Variants in ATG4C observed in about 807,000 individuals in gnomAD.
ATG4C encodes cysteine protease ATG4C.
ATG4C carries 56 observed loss-of-function variants against 57.6 expected under a neutral mutation model. That is an observed-to-expected ratio of 0.97 (90% CI 0.78 to 1.21). ATG4C has a LOEUF of 1.21. ATG4C is among the 50% of genes most tolerant of loss of function. ATG4C has a pLI of 0.00. For missense variants in ATG4C, 595 were observed against 529.8 expected (o/e 1.12, Z -1.21); for synonymous variants, 157 against 174.1 (o/e 0.90, Z 0.78).
Position 62,803,706 on chromosome 1 carries a change from T to A in ATG4C, c.-68-13T>A. 4 of 969,324 alleles carry A rather than the reference T, an allele frequency of 4.1e-6. No individual in the cohort carries two copies. The highest frequency in any genetic ancestry group is 6.1e-6 in the Non-Finnish European group (4 of 654,804). The allele number at this position is 969,324 out of a possible 1,614,324, so 60.0% of individuals were successfully genotyped here. A position where few individuals can be genotyped will look rare whatever the true frequency, so the allele number is the denominator to read the frequency against. The stretch of plus-strand genomic sequence containing the variant: ...ATGTAGTAATTACTGATTTTTTTCC[T>A]TAATTTTTAAAGTCAGTATAAAAGA... On this transcript the variant is annotated splice_polypyrimidine_tract_variant and intron_variant, in intron 1 of 10. Transcript: ENST00000317868.
chr1:62,831,458 A>T (rs1045150809), intron 7 of ATG4C, among the ~76,000 whole-genome samples: 1 of 152,122 alleles, frequency 6.6e-6, no homozygotes, highest in Non-Finnish European at 1.5e-5. Context: ...TATTTCAGAG[A>T]TAGTGCCAAC....
At chr1:62,815,360 A>G (rs1665232814) in intron 3 of ATG4C, among the ~76,000 whole-genome samples, 1 of 152,158 alleles carries the variant, frequency 6.6e-6, no homozygotes, top group Non-Finnish European at 1.5e-5. Flanking sequence ...TGATATACCA[A>G]GAGCCTTACA....
intron 6 of ATG4C, among the ~76,000 whole-genome samples, chr1:62,826,611 A>G (rs1299694469): frequency 6.9e-6 from 1 of 145,498 alleles, no homozygotes; most frequent in Non-Finnish European, 1.5e-5. Context: ...TTTTTTTTTT[A>G]ATTTAAGTTC....
intron 3 of ATG4C, among the ~76,000 whole-genome samples, chr1:62,810,996 ATTACT>A (rs1231258675): frequency 6.6e-6 from 1 of 152,120 alleles, no homozygotes. Flanking sequence ...TTTTAGTGAA[ATTACT>A]TTAGCTGGAG....
chr1:62,824,359 A>C (rs1418023276), intron 6 of ATG4C, among the ~76,000 whole-genome samples: 1 of 152,062 alleles, frequency 6.6e-6, no homozygotes, highest in Non-Finnish European at 1.5e-5. Context: ...TGACTATGGG[A>C]GATAGGGGAG....
In ATG4C at chr1:62,819,080, T is replaced by G. The variant is rs766129078; in HGVS notation, c.470T>G (p.Phe157Cys). ...ESWTSHTVKK[F>C]TASFEASLSG... ...TGGACTTCCCACACTGTCAAAAAAT[T>G]TACTGCATCATTTGAAGCATCACTT... The change falls in exon 5 of 11, where the codon TTT (phenylalanine) becomes TGT (cysteine). Residue 157 changes from phenylalanine (F) to cysteine (C), a missense_variant. Physicochemically the swap from Phe to Cys is radical, Grantham distance 205. Coordinates refer to ENST00000317868, the MANE Select transcript of ATG4C (RefSeq NM_032852.4). 1.9e-6 allele frequency: 3 copies of G among 1,609,682 alleles called. No individual in the cohort carries two copies. The highest frequency in any genetic ancestry group is 1.7e-6 in the Non-Finnish European group (2 of 1,178,238).
At chr1:62,859,013 G>A (rs1312786721) in intron 10 of ATG4C, among the ~76,000 whole-genome samples, 3 of 152,068 alleles carry the variant, frequency 2.0e-5, no homozygotes, top group South Asian at 4.2e-4. Flanking sequence ...ATTGTTGTGC[G>A]AACATAATTG....
At chr1:62,789,348 A>T (rs551607460) in intron 1 of ATG4C, among the ~76,000 whole-genome samples, 1 of 152,292 alleles carries the variant, frequency 6.6e-6, no homozygotes, top group South Asian at 2.1e-4. Context: ...AGATCCTTCA[A>T]GCTGGTTCCC....
intron 3 of ATG4C, among the ~76,000 whole-genome samples, chr1:62,806,905 A>G (rs1664899350): frequency 6.6e-6 from 1 of 152,210 alleles, no homozygotes; most frequent in Non-Finnish European, 1.5e-5. Flanking sequence ...ATTAGCAGAA[A>G]CCTTAGGGCT....
At chr1:62,860,300 A>G (rs1356327839) in intron 10 of ATG4C, among the ~76,000 whole-genome samples, 2 of 152,238 alleles carry the variant, frequency 1.3e-5, no homozygotes, top group Admixed American at 6.5e-5. Flanking sequence ...TTTTTAAAAA[A>G]GTAAAATGAG....
intron 9 of ATG4C, among the ~76,000 whole-genome samples, chr1:62,838,261 T>C (rs1379840532): frequency 6.6e-6 from 1 of 152,214 alleles, no homozygotes; most frequent in Non-Finnish European, 1.5e-5. Context: ...ATCTAGTGAA[T>C]ACTCCTTAAA....
chr1:62,862,261 C>T (rs1036667940), intron 10 of ATG4C, among the ~76,000 whole-genome samples: 1 of 151,320 alleles, frequency 6.6e-6, no homozygotes, highest in Non-Finnish European at 1.5e-5. Context: ...TTTTTTTTCA[C>T]CTGGGACACA....
intron 10 of ATG4C, among the ~76,000 whole-genome samples, chr1:62,846,552 G>A (rs1408229833): frequency 2.6e-5 from 4 of 152,106 alleles, no homozygotes; most frequent in South Asian, 2.1e-4. Context: ...TCTGGCGTAC[G>A]TTTCCAAAAT....
At chr1:62,820,668 T>C (rs955736646) in intron 5 of ATG4C, among the ~76,000 whole-genome samples, 2 of 152,048 alleles carry the variant, frequency 1.3e-5, no homozygotes, top group African/African-American at 4.8e-5. Context: ...GAAATTCATT[T>C]GTTCAGGTCA....
chr1:62,811,139 G>A (rs1191979586), intron 3 of ATG4C, among the ~76,000 whole-genome samples: 1 of 152,144 alleles, frequency 6.6e-6, no homozygotes, highest in African/African-American at 2.4e-5. Flanking sequence ...GAAGGTAGCG[G>A]CTTTCAGCCA....
At chr1:62,857,542 G>A (rs536635977) in intron 10 of ATG4C, among the ~76,000 whole-genome samples, 58 of 152,096 alleles carry the variant, frequency 3.8e-4, no homozygotes, top group Non-Finnish European at 6.3e-4. Flanking sequence ...CACAATAAAT[G>A]TAATGCACTT....
chr1:62,828,961 G>T, intron 6 of ATG4C, 79 bp from the exon 7 acceptor site: 1 of 1,306,562 alleles, frequency 7.7e-7, no homozygotes. Context: ...TTGCGGGGTG[G>T]AGGATAAATT....
At chr1:62,822,452 A>G (rs1200400668) in intron 6 of ATG4C, among the ~76,000 whole-genome samples, 1 of 152,214 alleles carries the variant, frequency 6.6e-6, no homozygotes, top group African/African-American at 2.4e-5. Context: ...GGATGTACCT[A>G]AACAAGTAAT....
In ATG4C at chr1:62,800,738, A is replaced by C. The variant is rs1293125448; in HGVS notation, c.-68-2981A>C. ...ATATACCTATATTTCATATCAGTTCACTGATTCCTTTAATAAATATTTTTG... is the reference window on the plus strand; with the variant it reads ...ATATACCTATATTTCATATCAGTTCCCTGATTCCTTTAATAAATATTTTTG... On this transcript the variant is annotated intron_variant, in intron 1 of 10. Coordinates refer to ENST00000317868, the MANE Select transcript of ATG4C (RefSeq NM_032852.4). Among the ~76,000 whole-genome samples the C allele has an allele frequency of 2.0e-5, 3 of 152,198 alleles. No individual in the cohort carries two copies. The East Asian group carries it at 5.8e-4, about 29-fold the overall frequency.
Sources: allele counts gnomAD v4.1 joint callset (sites outside exome capture counted in the v4.1 genomes callset), GRCh38; gene constraint gnomAD v4.1.1; transcripts MANE v1.5; gene names NCBI Gene and HGNC (gene_info 2026-07-23, HGNC 2026-07-21).